The following ENOX1 variants were observed in gnomAD, a reference collection of about 807,000 sequenced individuals.
The protein encoded by ENOX1 is candidate growth-related and time keeping constitutive hydroquinone (NADH) oxidase.
Under a neutral mutation model 82.5 loss-of-function variants are expected in ENOX1, and 42 were observed. The ratio of observed to expected loss-of-function variants is 0.51; its 90% CI spans 0.40 to 0.66. The LOEUF (loss-of-function observed/expected upper bound fraction) is 0.66, where lower values mean the gene tolerates loss of function less well. Among genes scored for constraint, ENOX1 ranks in the 30% least tolerant of loss-of-function variants. The pLI is 0.00. For missense variants in ENOX1, 608 were observed against 811.6 expected (o/e 0.75, Z 3.05); for synonymous variants, 271 against 282.2 (o/e 0.96, Z 0.40).
chr13:43,541,200 C>CTTTTTTTTTTTTTTTTTTT (rs1555317963), intron 2 of ENOX1, among the ~76,000 whole-genome samples: 47 of 14,414 alleles, frequency 3.3e-3, no homozygotes, highest in Middle Eastern at 0.029. Flanking sequence ...TTTTTTTTTG[C>CTTTTTTTTTTTTTTTTTTT]TAAAAATGAT....
chr13:43,697,423 T>G (rs528442480), intron 1 of ENOX1, among the ~76,000 whole-genome samples: 1 of 152,078 alleles, frequency 6.6e-6, no homozygotes, highest in Non-Finnish European at 1.5e-5. Flanking sequence ...ACTGACCAAA[T>G]TTTAGGGCTC....
chr13:43,589,643 T>C (rs2081153667), intron 2 of ENOX1, among the ~76,000 whole-genome samples: 7 of 152,292 alleles, frequency 4.6e-5, no homozygotes, highest in Non-Finnish European at 1.0e-4. Flanking sequence ...AGCCAGACTA[T>C]AGGCGAATGC....
intron 1 of ENOX1, among the ~76,000 whole-genome samples, chr13:43,736,028 C>T (rs1200953393): frequency 6.6e-6 from 1 of 152,096 alleles, no homozygotes; most frequent in African/African-American, 2.4e-5. Context: ...CCTTCCATTT[C>T]CCTTCTTTCA....
chr13:43,690,189 G>T (rs2086280749), intron 1 of ENOX1, among the ~76,000 whole-genome samples: 1 of 150,530 alleles, frequency 6.6e-6, no homozygotes, highest in African/African-American at 2.4e-5. Flanking sequence ...AACCATGGGA[G>T]TTCTGAGATT....
chr13:43,695,347 A>C (rs1179127431), intron 1 of ENOX1, among the ~76,000 whole-genome samples: 1 of 151,830 alleles, frequency 6.6e-6, no homozygotes, highest in Non-Finnish European at 1.5e-5. Context: ...TCATCCATCA[A>C]AGTGCTTTAA....
chr13:43,308,664 G>A (rs576964848), intron 11 of ENOX1, among the ~76,000 whole-genome samples: 13 of 152,278 alleles, frequency 8.5e-5, no homozygotes, highest in South Asian at 8.3e-4. Flanking sequence ...TTTGTGCAGC[G>A]AATCACCTGG....
intron 11 of ENOX1, among the ~76,000 whole-genome samples, chr13:43,318,388 G>C (rs1235455833): frequency 6.6e-6 from 1 of 152,142 alleles, no homozygotes; most frequent in Non-Finnish European, 1.5e-5. Flanking sequence ...CTAGAGAACT[G>C]GGTACCCTGT....
intron 1 of ENOX1, among the ~76,000 whole-genome samples, chr13:43,730,204 G>C (rs1594601238): frequency 6.6e-6 from 1 of 152,170 alleles, no homozygotes; most frequent in African/African-American, 2.4e-5. Context: ...TTCTGTAGGG[G>C]AGGAGCAAAG....
At chr13:43,754,034 A>ACG (rs1433837202) in intron 1 of ENOX1, among the ~76,000 whole-genome samples, 2,454 of 135,548 alleles carry the variant, frequency 0.018, 433 homozygotes, top group African/African-American at 0.056. Flanking sequence ...ATACATATAT[A>ACG]TGTATATAAA....
intron 2 of ENOX1, among the ~76,000 whole-genome samples, chr13:43,491,364 A>G (rs2076613107): frequency 6.6e-6 from 1 of 152,168 alleles, no homozygotes; most frequent in Non-Finnish European, 1.5e-5. Flanking sequence ...GGGGACAAAC[A>G]TCCAAATCAT....
intron 1 of ENOX1, among the ~76,000 whole-genome samples, chr13:43,764,476 ATCT>A (rs1951159571): frequency 6.6e-6 from 1 of 152,204 alleles, no homozygotes; most frequent in Non-Finnish European, 1.5e-5. Context: ...GTTACACTTG[ATCT>A]TCTTGTTAGC....
intron 2 of ENOX1, among the ~76,000 whole-genome samples, chr13:43,556,075 T>A (rs2079422846): frequency 6.6e-6 from 1 of 152,210 alleles, no homozygotes; most frequent in African/African-American, 2.4e-5. Flanking sequence ...CCAATGAATG[T>A]TCAATGTATA....
At chr13:43,778,001 G>A (rs1161460663) in intron 1 of ENOX1, among the ~76,000 whole-genome samples, 3 of 152,154 alleles carry the variant, frequency 2.0e-5, no homozygotes, top group Non-Finnish European at 4.4e-5. Flanking sequence ...TGTTCTCGCT[G>A]ATAAGCAAAG....
chr13:43,287,051 G>A (rs561253316), intron 12 of ENOX1, among the ~76,000 whole-genome samples: 2 of 152,236 alleles, frequency 1.3e-5, no homozygotes, highest in South Asian at 4.2e-4. Flanking sequence ...ACAGGCCTAG[G>A]CTGCAGTTCT....
intron 2 of ENOX1, among the ~76,000 whole-genome samples, chr13:43,630,933 TTGTG>T (rs139713177): frequency 0.15 from 22,194 of 149,230 alleles, 2,012 homozygotes; most frequent in East Asian, 0.39. Context: ...GTGTGTGTGT[TTGTG>T]TGTGTGTGTG....
intron 2 of ENOX1, among the ~76,000 whole-genome samples, chr13:43,543,103 G>C (rs1176705093): frequency 3.3e-5 from 5 of 152,204 alleles, no homozygotes; most frequent in Non-Finnish European, 7.3e-5. Context: ...TGAGGGCTGA[G>C]AGGAGGGGAG....
chr13:43,692,781 A>G (rs947560840), intron 1 of ENOX1, among the ~76,000 whole-genome samples: 2 of 152,190 alleles, frequency 1.3e-5, no homozygotes, highest in Non-Finnish European at 2.9e-5. Context: ...GAGTTATTGA[A>G]GACGTGGGAA....
At chr13:43,378,797 AG>A (rs2051824109) in intron 5 of ENOX1, among the ~76,000 whole-genome samples, 1 of 152,242 alleles carries the variant, frequency 6.6e-6, no homozygotes, top group Admixed American at 6.5e-5. Context: ...AAAAATTACC[AG>A]GTATGACAGG....
At chr13:43,274,281 C>T (rs905730194) in intron 12 of ENOX1, among the ~76,000 whole-genome samples, 1 of 152,186 alleles carries the variant, frequency 6.6e-6, no homozygotes, top group Admixed American at 6.5e-5. Context: ...ACAATAAGAA[C>T]AAAATCACCA....
Sources: gnomAD v4.1 joint callset for allele counts (sites outside exome capture counted in the v4.1 genomes callset) on GRCh38, gnomAD v4.1.1 for gene constraint, MANE v1.5 for transcripts, NCBI Gene and HGNC (gene_info 2026-07-23, HGNC 2026-07-21) for gene names.